FSIP1: variants seen among roughly 807,000 people sequenced by gnomAD.
FSIP1 encodes fibrous sheath-interacting protein 1.
In FSIP1, 65 loss-of-function variants were observed where a neutral mutation model predicts 60.9. The ratio of observed to expected loss-of-function variants is 1.07; its 90% CI spans 0.87 to 1.31. The LOEUF (loss-of-function observed/expected upper bound fraction) is 1.31. Ranked by LOEUF, FSIP1 falls within the 40% of genes most tolerant of loss-of-function variation. FSIP1 has a pLI of 0.00. For synonymous variants in FSIP1, 209 were observed against 221.2 expected (o/e 0.94, Z 0.49); for missense variants, 675 against 665.5 (o/e 1.01, Z -0.16).
At chr15:39,754,764 A>T (rs553416365) in intron 5 of FSIP1, among the ~76,000 whole-genome samples, 1 of 152,264 alleles carries the variant, frequency 6.6e-6, no homozygotes, top group African/African-American at 2.4e-5. Flanking sequence ...GAAAAAGAAG[A>T]AAACCAGCAG....
chr15:39,714,418 T>C (rs1049477574), intron 9 of FSIP1, among the ~76,000 whole-genome samples: 3 of 151,384 alleles, frequency 2.0e-5, no homozygotes, highest in African/African-American at 7.3e-5. Context: ...TGGGCAGTAA[T>C]GACATTTTTG....
In FSIP1 at chr15:39,765,644, TC is replaced by T. The variant is rs2140707689; in HGVS notation, c.412del (p.Glu138LysfsTer7). The T allele has an allele frequency of 6.2e-7, 1 of 1,605,948 alleles. No individual in the cohort carries two copies. Among genetic ancestry groups the T allele is most frequent in the East Asian group, 2.2e-5 (1 of 44,744 alleles). On this transcript the variant is annotated frameshift_variant, in exon 4 of 12. Transcript: ENST00000350221. LOFTEE classifies it high-confidence loss of function. ...ILAKKQRREK[E>X]IKKQGLEMRI... Reference sequence around the variant, plus strand: ...CATTTCTAGACCTTGCTTCTTAATTTCTTTTTCTCTGCGTTGTTTCTTTGCC... The same window carrying T: ...CATTTCTAGACCTTGCTTCTTAATTTTTTTTCTCTGCGTTGTTTCTTTGCC...
At chr15:39,598,785 T>C (rs1449103118), downstream of FSIP1, 5 of 152,160 alleles carry the variant, frequency 3.3e-5, no homozygotes, top group African/African-American at 1.2e-4. Context: ...ACTCCAGGTC[T>C]TATAAGAATG....
Position 39,641,318 on chromosome 15 carries a change from C to T in FSIP1, c.1189-23073G>A, listed in dbSNP as rs72725100. On this transcript the variant is annotated intron_variant, in intron 10 of 11. Transcript: ENST00000350221. ...AGCTGTGGTGTCAGCATATTACCCA[C>T]CACTAGAGCACAAAAGCAAAGTTCA... Among the ~76,000 whole-genome samples, 966 of 152,216 alleles carry T rather than the reference C, an allele frequency of 6.3e-3. 3 individuals carry two copies. Among genetic ancestry groups the T allele is most frequent in the Non-Finnish European group, 9.6e-3 (651 of 67,998 alleles).
At chr15:39,738,053 A>G in intron 8 of FSIP1, 38 bp downstream of exon 8, 1 of 1,126,972 alleles carries the variant, frequency 8.9e-7, no homozygotes, top group Non-Finnish European at 1.3e-6. Flanking sequence ...TAAAATCTAA[A>G]TTAAGAAGTG....
At chr15:39,641,994 G>A (rs1392039304) in intron 10 of FSIP1, among the ~76,000 whole-genome samples, 1 of 152,100 alleles carries the variant, frequency 6.6e-6, no homozygotes, top group Non-Finnish European at 1.5e-5. Flanking sequence ...GATGTGGGTT[G>A]GGACTCTTGA....
chr15:39,739,318 C>T lies in FSIP1; in HGVS notation c.780+347G>A, dbSNP rs8033340. ...ATCAGTCTCATTACTTAAAAAAAAA[C>T]AATTTTACTAATATGCAATTTAAAA... is the stretch of plus-strand genomic sequence containing the variant. On this transcript the variant is annotated intron_variant, in intron 7 of 11. Coordinates refer to ENST00000350221, the MANE Select transcript of FSIP1 (RefSeq NM_152597.5). Among the ~76,000 whole-genome samples the T allele has an allele frequency of 8.1e-3, 1,236 of 152,118 alleles. 15 individuals are homozygous for T. The highest frequency in any genetic ancestry group is 0.028 in the African/African-American group (1,164 of 41,496).
intron 11 of FSIP1, among the ~76,000 whole-genome samples, chr15:39,601,332 C>A (rs181155507): frequency 6.6e-6 from 1 of 152,122 alleles, no homozygotes. Context: ...GTGACATTAA[C>A]AGAAAAGGAA....
chr15:39,702,943 ATAAG>A (rs1015530267), intron 10 of FSIP1, among the ~76,000 whole-genome samples: 16 of 151,684 alleles, frequency 1.1e-4, no homozygotes, highest in African/African-American at 3.9e-4. Context: ...TTAAGGAAAA[ATAAG>A]TAATATTATA....
At chr15:39,646,428 A>T (rs921699613) in intron 10 of FSIP1, among the ~76,000 whole-genome samples, 2 of 148,988 alleles carry the variant, frequency 1.3e-5, no homozygotes, top group Non-Finnish European at 3.0e-5. Context: ...TTTGGGCCGT[A>T]ATCCCAGCAC....
chr15:39,681,996 A>T (rs553309022), intron 10 of FSIP1, among the ~76,000 whole-genome samples: 1 of 152,300 alleles, frequency 6.6e-6, no homozygotes, highest in African/African-American at 2.4e-5. Flanking sequence ...GATTTTTTTT[A>T]AATGTTGGGG....
At chr15:39,613,788 G>C (rs1891119700) in intron 11 of FSIP1, among the ~76,000 whole-genome samples, 1 of 152,208 alleles carries the variant, frequency 6.6e-6, no homozygotes, top group Non-Finnish European at 1.5e-5. Flanking sequence ...GGTATGCAAG[G>C]ATGGTTCAGC....
Position 39,600,045 on chromosome 15 carries a change from C to T in FSIP1, c.*835G>A, listed in dbSNP as rs1890583111. ...CAAAAACAATGTTATGTATACATCA[C>T]TCAAATTTTATTAAAGGCAGCACAA... On this transcript the variant is annotated 3_prime_UTR_variant, in exon 12 of 12. Transcript: ENST00000350221. The T allele has an allele frequency of 6.6e-6, 1 of 152,200 alleles. No individual in the cohort carries two copies. Among genetic ancestry groups the T allele is most frequent in the African/African-American group, 2.4e-5 (1 of 41,446 alleles). The allele number at this position is 152,200 out of a possible 1,614,324, so 9.4% of individuals were successfully genotyped here.
At chr15:39,779,438 G>T (rs965944810) in intron 1 of FSIP1, among the ~76,000 whole-genome samples, 2 of 152,068 alleles carry the variant, frequency 1.3e-5, no homozygotes, top group Non-Finnish European at 2.9e-5. Context: ...TATAACTAAA[G>T]AATTCATTTA....
chr15:39,754,223 T>C lies in FSIP1; in HGVS notation c.559+9598A>G, dbSNP rs982808140. On this transcript the variant is annotated intron_variant, in intron 5 of 11. Coordinates refer to ENST00000350221, the MANE Select transcript of FSIP1 (RefSeq NM_152597.5). ...AGAAACTGAGGTCTGCAAACAACCA[T>C]GTGAGTGAGCTTGGAAGCCGATTCT... is the stretch of plus-strand genomic sequence containing the variant. 1.3e-4 allele frequency among the ~76,000 whole-genome samples: 20 copies of C among 151,966 alleles called. 1 individual carries two copies. Among genetic ancestry groups the C allele is most frequent in the Admixed American group, 6.6e-5 (1 of 15,222 alleles).
At chr15:39,719,235 C>T (rs1312535859) in intron 9 of FSIP1, among the ~76,000 whole-genome samples, 3 of 152,166 alleles carry the variant, frequency 2.0e-5, no homozygotes. Context: ...TATCTGTCCT[C>T]GTGATCATCA....
intron 5 of FSIP1, among the ~76,000 whole-genome samples, chr15:39,761,863 T>A (rs943693930): frequency 2.6e-5 from 4 of 152,218 alleles, no homozygotes; most frequent in African/African-American, 9.6e-5. Flanking sequence ...ACAATAAAAA[T>A]TTTTAAGTTA....
At chr15:39,734,946 T>C (rs1435222588) in intron 8 of FSIP1, among the ~76,000 whole-genome samples, 2 of 152,026 alleles carry the variant, frequency 1.3e-5, no homozygotes, top group African/African-American at 4.8e-5. Context: ...AGATGAGACA[T>C]AAATACTAAC....
At chr15:39,761,350 G>T (rs1897490677) in intron 5 of FSIP1, among the ~76,000 whole-genome samples, 2 of 152,158 alleles carry the variant, frequency 1.3e-5, no homozygotes, top group Admixed American at 1.3e-4. Context: ...AATGGATAAA[G>T]AAAATGTGTT....
Sources: allele counts gnomAD v4.1 joint callset (sites outside exome capture counted in the v4.1 genomes callset), GRCh38; gene constraint gnomAD v4.1.1; transcripts MANE v1.5; gene names NCBI Gene and HGNC (gene_info 2026-07-23, HGNC 2026-07-21).